Variants in PDE3A observed in about 807,000 individuals in gnomAD.
PDE3A encodes the protein phosphodiesterase 3A, also known as cGMP-inhibited 3',5'-cyclic phosphodiesterase 3A.
PDE3A carries 43 observed loss-of-function variants against 98.3 expected under a neutral mutation model. That is an observed-to-expected ratio of 0.44 (90% confidence interval 0.34 to 0.56). PDE3A has a LOEUF of 0.56. Ranked by LOEUF, PDE3A falls within the 20% of genes least tolerant of loss-of-function variation. The pLI is 0.01. For missense variants in PDE3A, 1,427 were observed against 1,440.7 expected (o/e 0.99, Z 0.15); for synonymous variants, 663 against 567.9 (o/e 1.17, Z -2.38).
At chr12:20,667,996 G>A (rs560163886) in intron 15 of PDE3A, among the ~76,000 whole-genome samples, 12 of 152,266 alleles carry the variant, frequency 7.9e-5, no homozygotes, top group East Asian at 3.9e-4. Context: ...TGCGCGCACC[G>A]TGCGCGAGCC....
At chr12:20,622,862 T>A (rs750333454) in intron 5 of PDE3A, among the ~76,000 whole-genome samples, 3 of 152,096 alleles carry the variant, frequency 2.0e-5, no homozygotes, top group African/African-American at 7.2e-5. Context: ...GGCCATGAGA[T>A]TTTATCAGAT....
chr12:20,451,655 C>G (rs895402035), intron 1 of PDE3A, among the ~76,000 whole-genome samples: 1 of 152,148 alleles, frequency 6.6e-6, no homozygotes, highest in African/African-American at 2.4e-5. Context: ...GGACCAGTGA[C>G]TTTTTTGAAT....
intron 1 of PDE3A, among the ~76,000 whole-genome samples, chr12:20,426,400 C>T (rs777925835): frequency 6.6e-6 from 1 of 152,092 alleles, no homozygotes; most frequent in Non-Finnish European, 1.5e-5. Context: ...TGAAGAATTC[C>T]TTAGGCATTA....
chr12:20,441,180 G>A (rs140547786), intron 1 of PDE3A, among the ~76,000 whole-genome samples: 3 of 152,238 alleles, frequency 2.0e-5, no homozygotes, highest in African/African-American at 7.2e-5. Flanking sequence ...ATATAATTAA[G>A]TACCATGAAG....
At chr12:20,410,615 T>G (rs2120706406) in intron 1 of PDE3A, among the ~76,000 whole-genome samples, 1 of 152,198 alleles carries the variant, frequency 6.6e-6, no homozygotes, top group Non-Finnish European at 1.5e-5. Context: ...TGATGTTTGT[T>G]TTGTTGTTGT....
rs187207155 is a variant in PDE3A, at chr12:20,504,171, T to C, written c.961-52489T>C. ...TAATGATTTCTAAAACCTTTTTTCC[T>C]TTATTTTCCTTTTCCTTCTCCTGTT... On this transcript the variant is annotated intron_variant, in intron 1 of 15. Transcript: ENST00000359062. Among the ~76,000 whole-genome samples, 7 of 152,260 alleles carry C rather than the reference T, an allele frequency of 4.6e-5. No homozygotes were observed. In the East Asian group the frequency reaches 1.4e-3, roughly 29 times the overall value.
chr12:20,604,165 T>G (rs1943658624), intron 2 of PDE3A, among the ~76,000 whole-genome samples: 1 of 134,324 alleles, frequency 7.4e-6, no homozygotes, highest in African/African-American at 2.9e-5. Flanking sequence ...CGAGACTCCA[T>G]CTCAAGAAAG....
At chr12:20,449,968 T>C in intron 1 of PDE3A, 1 of 730,614 alleles carries the variant, frequency 1.4e-6, no homozygotes, top group Non-Finnish European at 2.3e-6. Flanking sequence ...TGGAGGGTTG[T>C]CAGGAACAAT....
At chr12:20,664,177 T>A (rs1003465297) in intron 15 of PDE3A, among the ~76,000 whole-genome samples, 33 of 151,980 alleles carry the variant, frequency 2.2e-4, no homozygotes, top group Non-Finnish European at 3.1e-4. Context: ...CCTGTGGAAC[T>A]GTGAGTCAAT....
At chr12:20,672,049 A>C (rs1474572867) in intron 15 of PDE3A, among the ~76,000 whole-genome samples, 1 of 151,832 alleles carries the variant, frequency 6.6e-6, no homozygotes, top group Non-Finnish European at 1.5e-5. Flanking sequence ...ATTCTTATAC[A>C]CCAACAGACA....
At chr12:20,637,057 A>G (rs1355085094) in intron 8 of PDE3A, 43 bp from the exon 9 acceptor site, 4 of 1,444,228 alleles carry the variant, frequency 2.8e-6, no homozygotes, top group Non-Finnish European at 3.7e-6. Flanking sequence ...GCCCTGTAGA[A>G]AAACTGCATG....
chr12:20,497,126 G>C (rs1234087628), intron 1 of PDE3A, among the ~76,000 whole-genome samples: 1 of 152,058 alleles, frequency 6.6e-6, no homozygotes. Context: ...AATGAAAACT[G>C]TAAGTAGTTG....
rs1946026975 is a variant in PDE3A, at chr12:20,688,051, C to T, written c.*7780C>T. Among the ~76,000 whole-genome samples the T allele has an allele frequency of 1.3e-5, 2 of 150,932 alleles. No individual in the cohort carries two copies. Among genetic ancestry groups the T allele is most frequent in the African/African-American group, 4.9e-5 (2 of 41,096 alleles). ...TACTGTTTCTGAAAAGCAATATTTTCAAATAACTGCCAACCAAAGTGACAC... is the reference window on the plus strand; with the variant it reads ...TACTGTTTCTGAAAAGCAATATTTTTAAATAACTGCCAACCAAAGTGACAC... On this transcript the variant is annotated 3_prime_UTR_variant, in exon 16 of 16. Coordinates refer to ENST00000359062, the MANE Select transcript of PDE3A (RefSeq NM_000921.5).
intron 1 of PDE3A, among the ~76,000 whole-genome samples, chr12:20,507,709 C>CT (rs1716278056): frequency 6.6e-6 from 1 of 152,094 alleles, no homozygotes; most frequent in Admixed American, 6.6e-5. Context: ...GAAGGCATCT[C>CT]TGACTCCCCT....
At chr12:20,580,717 C>T (rs1299186610) in intron 2 of PDE3A, among the ~76,000 whole-genome samples, 4 of 152,076 alleles carry the variant, frequency 2.6e-5, no homozygotes, top group Admixed American at 2.6e-4. Flanking sequence ...TTTTTTGTGA[C>T]ATCAAGAGCA....
At chr12:20,456,845 G>A (rs563669634) in intron 1 of PDE3A, among the ~76,000 whole-genome samples, 2 of 152,152 alleles carry the variant, frequency 1.3e-5, no homozygotes, top group Admixed American at 1.3e-4. Context: ...TCAAGCAAAG[G>A]GCGTATGCTT....
intron 1 of PDE3A, among the ~76,000 whole-genome samples, chr12:20,527,734 G>T (rs1284101456): frequency 6.6e-6 from 1 of 152,132 alleles, no homozygotes; most frequent in Admixed American, 6.5e-5. Flanking sequence ...GCTTGACAAA[G>T]AACCCAGTCT....
At chr12:20,432,786 T>C (rs1394557787) in intron 1 of PDE3A, among the ~76,000 whole-genome samples, 1 of 152,228 alleles carries the variant, frequency 6.6e-6, no homozygotes, top group Non-Finnish European at 1.5e-5. Flanking sequence ...CAATTTATTA[T>C]GGCATTGACT....
rs1945955264 is a variant in PDE3A at position 20,686,145 on chromosome 12, T to G, written c.*5874T>G. 1.3e-5 allele frequency among the ~76,000 whole-genome samples: 2 copies of G among 152,130 alleles called. No individual in the cohort carries two copies. The highest frequency in any genetic ancestry group is 2.9e-5 in the Non-Finnish European group (2 of 68,002). On this transcript the variant is annotated 3_prime_UTR_variant, in exon 16 of 16. Coordinates refer to ENST00000359062, the MANE Select transcript of PDE3A (RefSeq NM_000921.5). ...GAAAACTAGAAAGAAGGTTTAATTC[T>G]TTTTCTAATATTCTACAAGCCTCAT... is the stretch of plus-strand genomic sequence containing the variant.
Sources: allele counts gnomAD v4.1 joint callset (sites outside exome capture counted in the v4.1 genomes callset), GRCh38; gene constraint gnomAD v4.1.1; transcripts MANE v1.5; gene names NCBI Gene and HGNC (gene_info 2026-07-23, HGNC 2026-07-21).